Variants in EXOC6B observed in about 807,000 individuals in gnomAD.
EXOC6B encodes the protein SEC15 homolog B.
In EXOC6B, 54 loss-of-function variants were observed where a neutral mutation model predicts 113.5. The observed-to-expected ratio is 0.48, with a 90% CI of 0.38 to 0.60. The LOEUF is 0.60. EXOC6B is among the 20% of genes least tolerant of loss of function. EXOC6B has a pLI of 0.00. For synonymous variants in EXOC6B, 357 were observed against 339.0 expected, an observed-to-expected ratio of 1.05 and a Z score of -0.58; for missense variants, 797 against 977.5, an observed-to-expected ratio of 0.82 and a Z score of 2.46.
Position 72,646,042 on chromosome 2 carries a change from T to C in EXOC6B, c.670-70374A>G, listed in dbSNP as rs571000337. ...AAAGATCAACAAAATTGATAGACCA[T>C]TAGCAAGACAAATAAAGAAGAAAAG... On this transcript the variant is annotated intron_variant, in intron 6 of 21. Coordinates refer to ENST00000272427, the MANE Select transcript of EXOC6B (RefSeq NM_015189.3). Among the ~76,000 whole-genome samples, 56 of 151,686 alleles carry C rather than the reference T, an allele frequency of 3.7e-4. No individual in the cohort carries two copies. The South Asian group carries it at 0.011, about 29-fold the overall frequency.
intron 20 of EXOC6B, among the ~76,000 whole-genome samples, chr2:72,239,835 A>C (rs1249094464): frequency 1.3e-5 from 2 of 152,148 alleles, no homozygotes; most frequent in African/African-American, 4.8e-5. Flanking sequence ...TCTTTCAACG[A>C]TGTTTTACAG....
At chr2:72,482,303 T>A (rs535379163) in intron 16 of EXOC6B, among the ~76,000 whole-genome samples, 1 of 152,368 alleles carries the variant, frequency 6.6e-6, no homozygotes, top group Non-Finnish European at 1.5e-5. Context: ...AATGTTCATA[T>A]TCCTTAGAGT....
chr2:72,231,821 G>A (rs952155626), intron 20 of EXOC6B, among the ~76,000 whole-genome samples: 2 of 152,078 alleles, frequency 1.3e-5, no homozygotes, highest in African/African-American at 4.8e-5. Context: ...CTTATACACT[G>A]CTGGTGGGAA....
chr2:72,642,394 T>C (rs1180827252), intron 6 of EXOC6B, among the ~76,000 whole-genome samples: 1 of 141,310 alleles, frequency 7.1e-6, no homozygotes, highest in Non-Finnish European at 1.5e-5. Context: ...CAAAACAGCA[T>C]GGTACTGGTA....
At chr2:72,522,511 G>GA (rs1701547469) in intron 8 of EXOC6B, among the ~76,000 whole-genome samples, 1 of 151,794 alleles carries the variant, frequency 6.6e-6, no homozygotes, top group African/African-American at 2.4e-5. Context: ...GTGACTTGTA[G>GA]AAAAACTAGA....
At chr2:72,258,488 T>C (rs773461612) in intron 20 of EXOC6B, among the ~76,000 whole-genome samples, 12 of 150,880 alleles carry the variant, frequency 8.0e-5, no homozygotes, top group Admixed American at 4.0e-4. Flanking sequence ...CTTAGCCTCC[T>C]GAGTAGCTGG....
At chr2:72,415,632 T>C (rs1046035619) in intron 18 of EXOC6B, among the ~76,000 whole-genome samples, 1 of 151,428 alleles carries the variant, frequency 6.6e-6, no homozygotes, top group Non-Finnish European at 1.5e-5. Flanking sequence ...GATTTAACCA[T>C]GCAAGCATAA....
chr2:72,319,436 A>G (rs1029367478), intron 20 of EXOC6B, among the ~76,000 whole-genome samples: 7 of 152,182 alleles, frequency 4.6e-5, no homozygotes, highest in African/African-American at 1.4e-4. Flanking sequence ...CTAGACTGGA[A>G]AGAAAGAATC....
Position 72,178,654 on chromosome 2 carries a change from A to G in EXOC6B, c.*681T>C, listed in dbSNP as rs1677887694. 6.6e-6 allele frequency: 1 copy of G among 152,242 alleles called. No homozygotes were observed. The highest frequency in any genetic ancestry group is 1.5e-5 in the Non-Finnish European group (1 of 68,044). The allele number at this position is 152,242 out of a possible 1,614,324, so 9.4% of individuals were successfully genotyped here. Reference sequence around the variant, plus strand: ...CAATATGCAGTTAAACATGGGATCCAATTATTACTGCTGTCTACTTAGCTG... The same window carrying G: ...CAATATGCAGTTAAACATGGGATCCGATTATTACTGCTGTCTACTTAGCTG... On this transcript the variant is annotated 3_prime_UTR_variant, in exon 22 of 22. Transcript: ENST00000272427.
chr2:72,243,694 T>C (rs965785333), intron 20 of EXOC6B, among the ~76,000 whole-genome samples: 1 of 152,208 alleles, frequency 6.6e-6, no homozygotes, highest in Non-Finnish European at 1.5e-5. Context: ...TATGCCTATG[T>C]AACAAACCTG....
chr2:72,396,626 C>T (rs569751406), intron 18 of EXOC6B, among the ~76,000 whole-genome samples: 1 of 152,214 alleles, frequency 6.6e-6, no homozygotes, highest in East Asian at 1.9e-4. Context: ...ATCCCCTGTT[C>T]TCGGAGTTCC....
intron 6 of EXOC6B, among the ~76,000 whole-genome samples, chr2:72,697,145 T>C (rs1320391714): frequency 1.3e-5 from 2 of 151,510 alleles, no homozygotes; most frequent in African/African-American, 4.9e-5. Flanking sequence ...TAGATATAGA[T>C]ATAGATATGG....
intron 18 of EXOC6B, among the ~76,000 whole-genome samples, chr2:72,443,652 T>C (rs937974370): frequency 5.3e-5 from 8 of 152,184 alleles, no homozygotes; most frequent in South Asian, 2.1e-4. Flanking sequence ...CTCACAATCA[T>C]GGCAGAAGGC....
chr2:72,698,184 T>C (rs1477172699), intron 6 of EXOC6B, among the ~76,000 whole-genome samples: 1 of 151,922 alleles, frequency 6.6e-6, no homozygotes, highest in Non-Finnish European at 1.5e-5. Context: ...TAACTGACAG[T>C]ACAAGGAAAT....
In EXOC6B at chr2:72,496,447, T is replaced by C. The variant is rs1196149925; in HGVS notation, c.1443+7A>G. 2 of 1,536,784 alleles carry C rather than the reference T, an allele frequency of 1.3e-6. No individual in the cohort carries two copies. Among genetic ancestry groups the C allele is most frequent in the Admixed American group, 1.8e-5 (1 of 55,104 alleles). On this transcript the variant is annotated splice_region_variant and intron_variant, in intron 14 of 21. Transcript: ENST00000272427. ...ACCAGAGAAATTTATTTTAAAGTATTCCTTACCTTTTCCAGTTCTATATCT... is the reference window on the plus strand; with the variant it reads ...ACCAGAGAAATTTATTTTAAAGTATCCCTTACCTTTTCCAGTTCTATATCT...
At chr2:72,346,071 GT>G (rs944369985) in intron 19 of EXOC6B, among the ~76,000 whole-genome samples, 71 of 149,326 alleles carry the variant, frequency 4.8e-4, no homozygotes, top group African/African-American at 1.1e-3. Flanking sequence ...ATTCTCAAAG[GT>G]TTTTTTTTTA....
intron 1 of EXOC6B, among the ~76,000 whole-genome samples, chr2:72,782,849 A>G (rs1457448829): frequency 6.6e-6 from 1 of 152,206 alleles, no homozygotes; most frequent in Non-Finnish European, 1.5e-5. Flanking sequence ...GCTGCAAATG[A>G]CATGATTTCA....
At chr2:72,284,444 C>T (rs1209489063) in intron 20 of EXOC6B, among the ~76,000 whole-genome samples, 4 of 151,682 alleles carry the variant, frequency 2.6e-5, no homozygotes, top group African/African-American at 9.7e-5. Flanking sequence ...ATAAAAACAC[C>T]CTCAACACAG....
intron 20 of EXOC6B, among the ~76,000 whole-genome samples, chr2:72,268,560 A>T (rs1684281151): frequency 2.0e-5 from 3 of 152,202 alleles, no homozygotes; most frequent in Admixed American, 6.5e-5. Context: ...GTTGCTTGTA[A>T]ATACTAATTG....
Sources: gnomAD v4.1 joint callset for allele counts (sites outside exome capture counted in the v4.1 genomes callset) on GRCh38, gnomAD v4.1.1 for gene constraint, MANE v1.5 for transcripts, NCBI Gene and HGNC (gene_info 2026-07-23, HGNC 2026-07-21) for gene names.